The following VAC14 variants were observed in gnomAD, a reference collection of about 807,000 sequenced individuals.
VAC14 encodes VAC14 component of PIKFYVE complex.
In VAC14, 47 loss-of-function variants were observed where a neutral mutation model predicts 85.3. That is an observed-to-expected ratio of 0.55 (90% CI 0.44 to 0.70). VAC14 has a LOEUF of 0.70. VAC14 is among the 30% of genes least tolerant of loss of function. The pLI is 0.00. For missense variants in VAC14, 861 were observed against 1,004.3 expected, an observed-to-expected ratio of 0.86 and a Z score of 1.93; for synonymous variants, 447 against 430.5, an observed-to-expected ratio of 1.04 and a Z score of -0.47.
chr16:70,790,677 C>A (rs1292119304), intron 1 of VAC14, among the ~76,000 whole-genome samples: 1 of 152,154 alleles, frequency 6.6e-6, no homozygotes, highest in Non-Finnish European at 1.5e-5. Flanking sequence ...TCCCCACCCC[C>A]TCACCTTTGC....
At chr16:70,780,747 G>T in intron 9 of VAC14, 43 bp downstream of exon 9, 1 of 1,529,294 alleles carries the variant, frequency 6.5e-7, no homozygotes, top group Non-Finnish European at 8.8e-7. Flanking sequence ...TGGCTCCCTG[G>T]GCCCCCGACA....
intron 9 of VAC14, among the ~76,000 whole-genome samples, chr16:70,775,974 C>A (rs1399577050): frequency 1.3e-5 from 2 of 152,188 alleles, no homozygotes; most frequent in Non-Finnish European, 2.9e-5. Context: ...GCAGTTACCC[C>A]TTCTAAAGCC....
At chr16:70,795,519 A>G (rs953843098) in intron 1 of VAC14, among the ~76,000 whole-genome samples, 1 of 149,636 alleles carries the variant, frequency 6.7e-6, no homozygotes, top group Non-Finnish European at 1.5e-5. Context: ...AAAAAAAAGA[A>G]TGCATCCCTC....
intron 9 of VAC14, chr16:70,779,148 C>G (rs1019582214): frequency 6.6e-6 from 1 of 152,240 alleles, no homozygotes; most frequent in Non-Finnish European, 1.5e-5. Context: ...TGTTTTGTTG[C>G]TCTGATTCAC....
At chr16:70,749,556 G>A (rs369273864) in intron 12 of VAC14, among the ~76,000 whole-genome samples, 6 of 152,344 alleles carry the variant, frequency 3.9e-5, no homozygotes, top group East Asian at 1.9e-4. Context: ...CACTGTGTGC[G>A]CTTGTGCGCA....
chr16:70,795,109 T>A (rs1596972450), intron 1 of VAC14, among the ~76,000 whole-genome samples: 1 of 152,162 alleles, frequency 6.6e-6, no homozygotes, highest in Admixed American at 6.5e-5. Context: ...ACCATCTAGG[T>A]TTGTGTGAGT....
intron 14 of VAC14, among the ~76,000 whole-genome samples, chr16:70,726,639 T>A (rs763885579): frequency 6.6e-6 from 1 of 152,146 alleles, no homozygotes; most frequent in Non-Finnish European, 1.5e-5. Flanking sequence ...CCCAAATGAG[T>A]GCCTCGGGAG....
At chr16:70,754,609 C>G (rs1238384073) in intron 12 of VAC14, among the ~76,000 whole-genome samples, 1 of 152,126 alleles carries the variant, frequency 6.6e-6, no homozygotes, top group Non-Finnish European at 1.5e-5. Context: ...ACGGCAGGGC[C>G]AGGGGAGGGT....
chr16:70,786,440 G>A, intron 1 of VAC14, 75 bp from the exon 2 acceptor site: 3 of 1,564,706 alleles, frequency 1.9e-6, no homozygotes, highest in Non-Finnish European at 2.6e-6. Context: ...GGGCGGCAAT[G>A]AGGAAGGGAG....
chr16:70,752,184 T>C (rs1035600125), intron 12 of VAC14, among the ~76,000 whole-genome samples: 4 of 152,218 alleles, frequency 2.6e-5, no homozygotes, highest in African/African-American at 9.7e-5. Context: ...TTTCCTTCAG[T>C]GTCCAGCACT....
At chr16:70,789,945 G>A (rs1274453159) in intron 1 of VAC14, among the ~76,000 whole-genome samples, 2 of 152,104 alleles carry the variant, frequency 1.3e-5, no homozygotes, top group African/African-American at 4.8e-5. Flanking sequence ...GGCAGCGAAG[G>A]CCACCCTGGA....
chr16:70,751,713 C>A (rs2031401425), intron 12 of VAC14, among the ~76,000 whole-genome samples: 1 of 152,216 alleles, frequency 6.6e-6, no homozygotes, highest in Non-Finnish European at 1.5e-5. Context: ...GGAAGGGTCC[C>A]CTGGGGGAGC....
At chr16:70,738,551 G>A (rs1360767111) in intron 13 of VAC14, among the ~76,000 whole-genome samples, 2 of 152,196 alleles carry the variant, frequency 1.3e-5, no homozygotes, top group East Asian at 1.9e-4. Flanking sequence ...CAAAGGCAGC[G>A]AGGAGAGGGT....
chr16:70,755,898 G>A (rs924037323), intron 12 of VAC14: 3 of 410,550 alleles, frequency 7.3e-6, no homozygotes, highest in African/African-American at 2.0e-5. Flanking sequence ...TGGGAACCTA[G>A]GGGCACTCTG....
At chr16:70,748,859 T>C (rs953622564) in intron 12 of VAC14, among the ~76,000 whole-genome samples, 2 of 152,130 alleles carry the variant, frequency 1.3e-5, no homozygotes, top group South Asian at 2.1e-4. Flanking sequence ...GGCAGGAGAA[T>C]TGCTTGAGCA....
chr16:70,781,165 C>A (rs1006555005), intron 8 of VAC14, among the ~76,000 whole-genome samples: 1 of 152,106 alleles, frequency 6.6e-6, no homozygotes, highest in Admixed American at 6.5e-5. Context: ...TTTCAAAAAG[C>A]CTCCCACCTC....
rs1301829933 is a variant in VAC14 at position 70,698,830 on chromosome 16, G to A, written c.1662-19C>T. ...CAGCTGCCTGGAGAGCAGGCAGACTGGGGTCAGGGCGCAGGCCGACCTGGA... is the reference window on the plus strand; with the variant it reads ...CAGCTGCCTGGAGAGCAGGCAGACTAGGGTCAGGGCGCAGGCCGACCTGGA... On this transcript the variant is annotated intron_variant, in intron 14 of 18. Coordinates refer to ENST00000261776, the MANE Select transcript of VAC14 (RefSeq NM_018052.5). The A allele has an allele frequency of 6.2e-7, 1 of 1,612,696 alleles. No individual in the cohort carries two copies.
intron 14 of VAC14, among the ~76,000 whole-genome samples, chr16:70,718,166 A>G (rs1170064105): frequency 6.6e-6 from 1 of 152,196 alleles, no homozygotes; most frequent in Non-Finnish European, 1.5e-5. Flanking sequence ...TGAGTGCACA[A>G]GTTACTAGGT....
intron 8 of VAC14, 149 bp downstream of exon 8, chr16:70,781,720 G>A (rs538928938): frequency 9.5e-6 from 11 of 1,153,206 alleles, no homozygotes; most frequent in South Asian, 1.7e-5. Flanking sequence ...CCTAATCCAC[G>A]TTTGGCTCCA....
Sources: allele counts gnomAD v4.1 joint callset (sites outside exome capture counted in the v4.1 genomes callset), GRCh38; gene constraint gnomAD v4.1.1; transcripts MANE v1.5; gene names NCBI Gene and HGNC (gene_info 2026-07-23, HGNC 2026-07-21).